The following FHIT variants were observed in gnomAD, a reference collection of about 807,000 sequenced individuals.
The protein encoded by FHIT is fragile histidine triad diadenosine triphosphatase.
Under a neutral mutation model 17.9 loss-of-function variants are expected in FHIT, and 19 were observed. The observed-to-expected ratio is 1.06, with a 90% CI of 0.74 to 1.56. FHIT has a LOEUF of 1.56. Ranked by LOEUF, FHIT falls within the 40% of genes most tolerant of loss-of-function variation. The pLI, the probability that FHIT is intolerant of heterozygous loss-of-function variation, is 0.00. For missense variants in FHIT, 248 were observed against 189.2 expected, an observed-to-expected ratio of 1.31 and a Z score of -1.82; for synonymous variants, 81 against 69.7, an observed-to-expected ratio of 1.16 and a Z score of -0.81.
chr3:61,131,132 T>G (rs1307456884), intron 2 of FHIT, among the ~76,000 whole-genome samples: 1 of 152,200 alleles, frequency 6.6e-6, no homozygotes, highest in Non-Finnish European at 1.5e-5. Context: ...AAAAAGGATT[T>G]AAACAACTCA....
chr3:60,441,754 A>ATTTTT (rs1401129617), intron 5 of FHIT, among the ~76,000 whole-genome samples: 1 of 46,380 alleles, frequency 2.2e-5, no homozygotes. Flanking sequence ...TTATATATAT[A>ATTTTT]AAAATATATA....
At chr3:59,811,300 G>A (rs1700398210) in intron 8 of FHIT, among the ~76,000 whole-genome samples, 1 of 152,184 alleles carries the variant, frequency 6.6e-6, no homozygotes, top group Non-Finnish European at 1.5e-5. Flanking sequence ...AATCAAAGAG[G>A]AGAAAAATCA....
chr3:60,798,089 G>A (rs1166124593), intron 4 of FHIT, among the ~76,000 whole-genome samples: 1 of 152,072 alleles, frequency 6.6e-6, no homozygotes, highest in African/African-American at 2.4e-5. Flanking sequence ...CTGTTACAAC[G>A]ACTCTTCTCT....
chr3:60,170,030 A>AT (rs1701348800), intron 5 of FHIT, among the ~76,000 whole-genome samples: 1 of 152,128 alleles, frequency 6.6e-6, no homozygotes, highest in Non-Finnish European at 1.5e-5. Context: ...TGGGAGAATC[A>AT]TTTTTCACCT....
At position 61,142,354 on chromosome 3, in the gene FHIT, G is replaced by A. The variant is rs188339384; in HGVS notation, c.-164+58263C>T. ...TTTTCTCCCAATATCTAAGAACAAT[G>A]TGATTATGCATCATTTTGTACTACA... On this transcript the variant is annotated intron_variant, in intron 2 of 9. Transcript: ENST00000492590. Among the ~76,000 whole-genome samples, 92 of 151,620 alleles carry A rather than the reference G, an allele frequency of 6.1e-4. 2 individuals carry two copies. The East Asian group carries it at 0.014, about 22-fold the overall frequency.
At chr3:61,062,857 C>T (rs969619823) in intron 2 of FHIT, among the ~76,000 whole-genome samples, 3 of 152,264 alleles carry the variant, frequency 2.0e-5, no homozygotes, top group Middle Eastern at 6.8e-3. Context: ...TCTAGCTCCA[C>T]GGGATACATA....
chr3:60,507,414 G>A (rs1449998137), intron 5 of FHIT, among the ~76,000 whole-genome samples: 4 of 152,202 alleles, frequency 2.6e-5, no homozygotes, highest in Non-Finnish European at 1.5e-5. Context: ...TAAAGGCCAT[G>A]TTTTAAAAGC....
intron 2 of FHIT, among the ~76,000 whole-genome samples, chr3:61,105,956 T>C (rs2035977039): frequency 6.6e-6 from 1 of 152,240 alleles, no homozygotes; most frequent in Non-Finnish European, 1.5e-5. Context: ...TGGTTTTAAA[T>C]GGCTCTAAAG....
In FHIT at chr3:61,033,038, G is replaced by A. The variant is rs1322444323; in HGVS notation, c.-111+9009C>T. On this transcript the variant is annotated intron_variant, in intron 3 of 9. Transcript: ENST00000492590. ...GACAGTGAATTTGCCATTTCTGCAC[G>A]TTTTGTTCTATTCACGTCCTCAAGA... Among the ~76,000 whole-genome samples the A allele has an allele frequency of 5.9e-5, 9 of 152,330 alleles. No homozygotes were observed. The South Asian group carries it at 1.4e-3, about 25-fold the overall frequency.
intron 5 of FHIT, among the ~76,000 whole-genome samples, chr3:60,103,969 A>C (rs1284488874): frequency 1.3e-5 from 2 of 152,188 alleles, no homozygotes; most frequent in Non-Finnish European, 2.9e-5. Context: ...CTTCTGAAGC[A>C]GAAAGGAAGT....
intron 4 of FHIT, among the ~76,000 whole-genome samples, chr3:60,767,285 GA>G (rs1373985790): frequency 2.0e-5 from 3 of 152,172 alleles, no homozygotes; most frequent in Non-Finnish European, 4.4e-5. Context: ...CAGTTTATAA[GA>G]ACAGAGAGGA....
At chr3:60,025,336 A>C (rs866168956) in intron 5 of FHIT, among the ~76,000 whole-genome samples, 9 of 152,214 alleles carry the variant, frequency 5.9e-5, no homozygotes, top group Non-Finnish European at 7.3e-5. Context: ...AAATTCTTAA[A>C]TAGTCTCCTG....
chr3:60,618,574 C>A (rs2039021613), intron 4 of FHIT, among the ~76,000 whole-genome samples: 1 of 152,176 alleles, frequency 6.6e-6, no homozygotes, highest in Non-Finnish European at 1.5e-5. Context: ...GAGGGCAAAA[C>A]CTGATTACTT....
chr3:60,206,308 TAAG>T (rs1251348353), intron 5 of FHIT, among the ~76,000 whole-genome samples: 1 of 152,022 alleles, frequency 6.6e-6, no homozygotes, highest in Non-Finnish European at 1.5e-5. Context: ...GTACTTATGA[TAAG>T]AAAACCATAG....
intron 8 of FHIT, among the ~76,000 whole-genome samples, chr3:59,809,614 AT>A (rs1429818993): frequency 6.6e-6 from 1 of 152,164 alleles, no homozygotes; most frequent in Non-Finnish European, 1.5e-5. Context: ...ATCTCATTAT[AT>A]TTGGAGTTCA....
At chr3:60,496,799 T>C (rs1443240324) in intron 5 of FHIT, among the ~76,000 whole-genome samples, 2 of 152,038 alleles carry the variant, frequency 1.3e-5, no homozygotes, top group African/African-American at 4.8e-5. Context: ...GAGGTAAAAA[T>C]GAAAGAATGA....
At chr3:60,568,059 G>C (rs900063727) in intron 4 of FHIT, among the ~76,000 whole-genome samples, 4 of 152,132 alleles carry the variant, frequency 2.6e-5, no homozygotes, top group African/African-American at 9.7e-5. Context: ...CAATTCCTCA[G>C]GGATCTTGAA....
At chr3:59,762,579 C>G (rs1701576804) in intron 8 of FHIT, among the ~76,000 whole-genome samples, 1 of 152,256 alleles carries the variant, frequency 6.6e-6, no homozygotes, top group African/African-American at 2.4e-5. Flanking sequence ...TGCTGTATGT[C>G]TAGTGCTCTT....
chr3:60,838,501 CAAACAAA>C (rs1702612406), intron 3 of FHIT, among the ~76,000 whole-genome samples: 1 of 151,982 alleles, frequency 6.6e-6, no homozygotes, highest in Admixed American at 6.6e-5. Context: ...AACAAACAAA[CAAACAAA>C]AAACACAAAT....
Sources: gnomAD v4.1 joint callset for allele counts (sites outside exome capture counted in the v4.1 genomes callset) on GRCh38, gnomAD v4.1.1 for gene constraint, MANE v1.5 for transcripts, NCBI Gene and HGNC (gene_info 2026-07-23, HGNC 2026-07-21) for gene names.